TNS1: variants seen among roughly 807,000 people sequenced by gnomAD.
TNS1 encodes the protein tensin 1, also known as tensin-1.
In TNS1, 62 loss-of-function variants were observed where a neutral mutation model predicts 168.6. The ratio of observed to expected loss-of-function variants is 0.37; its 90% CI spans 0.30 to 0.45. The LOEUF (loss-of-function observed/expected upper bound fraction) is 0.45. TNS1 is among the 20% of genes least tolerant of loss of function. TNS1 has a pLI of 1.00. For missense variants in TNS1, 2,240 were observed against 2,339.4 expected (o/e 0.96, Z 0.88); for synonymous variants, 934 against 933.2 (o/e 1.00, Z -0.02).
At position 217,847,900 on chromosome 2, in the gene TNS1, G is replaced by A. The variant is rs1295465643; in HGVS notation, c.2617C>T (p.Pro873Ser). Residue 873 changes from proline (P) to serine (S), a missense_variant, in exon 19 of 33, where the codon CCC becomes TCC. Pro to Ser is a moderately conservative substitution (Grantham distance 74, BLOSUM62 -1). Transcript: ENST00000682258. ...GACTGACGGGAGGATCCAGAGAGGG[G>A]CTGGGAGGAGAGTGGAGAAGCCCCT... ...WPGASPLSSQ[P>S]LSGSSRQSHP... 1.3e-6 allele frequency: 2 copies of A among 1,543,334 alleles called. No homozygotes were observed. Among genetic ancestry groups the A allele is most frequent in the East Asian group, 2.3e-5 (1 of 43,858 alleles).
At chr2:217,946,889 G>A (rs144097915) in intron 3 of TNS1, among the ~76,000 whole-genome samples, 103 of 151,144 alleles carry the variant, frequency 6.8e-4, no homozygotes, top group East Asian at 5.1e-3. Flanking sequence ...GAGCTGTCCC[G>A]CAGCCCATCA....
chr2:217,980,520 G>C (rs1485826148), intron 2 of TNS1, among the ~76,000 whole-genome samples: 1 of 143,830 alleles, frequency 7.0e-6, no homozygotes, highest in Non-Finnish European at 1.5e-5. Flanking sequence ...GAGAGAGAGA[G>C]AGAGAGAGAG....
chr2:218,004,775 GA>G (rs1440589595), upstream of TNS1, among the ~76,000 whole-genome samples: 1 of 152,148 alleles, frequency 6.6e-6, no homozygotes, highest in Non-Finnish European at 1.5e-5. Context: ...CTGGGGCTGG[GA>G]AAGATCCTGC....
chr2:218,019,518 C>A (rs568820957), intron 1 of TNS1, among the ~76,000 whole-genome samples: 1 of 152,324 alleles, frequency 6.6e-6, no homozygotes, highest in African/African-American at 2.4e-5. Context: ...CAGGCTTGGG[C>A]ACCAAGGAGG....
At chr2:217,884,538 C>T (rs1310171111) in intron 16 of TNS1, among the ~76,000 whole-genome samples, 3 of 152,170 alleles carry the variant, frequency 2.0e-5, no homozygotes, top group Non-Finnish European at 4.4e-5. Flanking sequence ...CCACACCCCT[C>T]CACTACTGCT....
At chr2:217,871,115 C>T (rs1333578778) in intron 18 of TNS1, among the ~76,000 whole-genome samples, 4 of 152,184 alleles carry the variant, frequency 2.6e-5, no homozygotes, top group Non-Finnish European at 5.9e-5. Context: ...CATCACTGCC[C>T]AAGGGGGCCA....
At chr2:217,875,515 C>T (rs1407959071) in intron 18 of TNS1, among the ~76,000 whole-genome samples, 2 of 152,180 alleles carry the variant, frequency 1.3e-5, no homozygotes, top group Non-Finnish European at 2.9e-5. Context: ...AAAGAGTTAC[C>T]AGAGACACCC....
intron 24 of TNS1, among the ~76,000 whole-genome samples, chr2:217,817,020 C>CA (rs1941995161): frequency 6.6e-6 from 1 of 152,178 alleles, no homozygotes; most frequent in Non-Finnish European, 1.5e-5. Flanking sequence ...ATTCACTGCA[C>CA]AAACCTGCAT....
chr2:217,992,471 T>A (rs1220022985), intron 1 of TNS1: 1 of 152,166 alleles, frequency 6.6e-6, no homozygotes, highest in Non-Finnish European at 1.5e-5. Context: ...AGTGATGGTA[T>A]CCCACACACA....
rs776099853 is a variant in TNS1, at chr2:217,804,571, C to T, written c.5408G>A (p.Ser1803Asn). The T allele has an allele frequency of 1.2e-6, 2 of 1,614,150 alleles. No individual in the cohort carries two copies. The highest frequency in any genetic ancestry group is 1.7e-6 in the Non-Finnish European group (2 of 1,179,986). The change falls in exon 33 of 33, where the codon AGC becomes AAC. Residue 1803 changes from serine to asparagine, a missense_variant. Coordinates refer to ENST00000682258, the MANE Select transcript of TNS1 (RefSeq NM_001387777.1). The part of the protein sequence containing the change: ...LFGFVARKQG[S>N]TTDNACHLFA... ...GAGGTGGCAGGCGTTGTCCGTGGTGCTGCCCTGCTTCCGGGCCACGAAGCC... is the reference window on the plus strand; with the variant it reads ...GAGGTGGCAGGCGTTGTCCGTGGTGTTGCCCTGCTTCCGGGCCACGAAGCC...
At chr2:217,871,749 C>G (rs891451405) in intron 18 of TNS1, among the ~76,000 whole-genome samples, 1 of 152,270 alleles carries the variant, frequency 6.6e-6, no homozygotes, top group Admixed American at 6.5e-5. Context: ...CCCATCCGGC[C>G]TGGGCCCCAG....
upstream of TNS1, among the ~76,000 whole-genome samples, chr2:218,011,267 G>A (rs541564467): frequency 6.6e-6 from 1 of 152,328 alleles, no homozygotes; most frequent in East Asian, 1.9e-4. Flanking sequence ...GAAAAAGAGG[G>A]GAGGCGGAGG....
Position 217,992,122 on chromosome 2 carries a change from C to T in TNS1, c.34-1066G>A, listed in dbSNP as rs569913257. 6.6e-5 allele frequency among the ~76,000 whole-genome samples: 10 copies of T among 152,096 alleles called. No homozygotes were observed. The South Asian group carries it at 1.5e-3, about 22-fold the overall frequency. On this transcript the variant is annotated intron_variant, in intron 1 of 32. Transcript: ENST00000682258. ...ACTGCCCACCTTTTGGGCCCCACTG[C>T]GGGGCAGGGGGGCCTATTCAGAGGA... is the stretch of plus-strand genomic sequence containing the variant.
At chr2:217,844,175 T>A (rs1425860028) in intron 19 of TNS1, among the ~76,000 whole-genome samples, 1 of 152,146 alleles carries the variant, frequency 6.6e-6, no homozygotes, top group Non-Finnish European at 1.5e-5. Flanking sequence ...CCCCACAGTA[T>A]CCACTGCATC....
chr2:217,954,868 G>T (rs1957323674), intron 3 of TNS1, among the ~76,000 whole-genome samples: 1 of 152,192 alleles, frequency 6.6e-6, no homozygotes, highest in South Asian at 2.1e-4. Flanking sequence ...AGGACCCAAA[G>T]ATCCACATTG....
At chr2:217,964,973 A>G (rs1056027768) in intron 3 of TNS1, among the ~76,000 whole-genome samples, 1 of 152,182 alleles carries the variant, frequency 6.6e-6, no homozygotes, top group Non-Finnish European at 1.5e-5. Context: ...ACCCCCAGAG[A>G]GAGGGAGCAG....
chr2:217,902,871 T>G (rs1302021962), intron 6 of TNS1, among the ~76,000 whole-genome samples: 2 of 152,038 alleles, frequency 1.3e-5, no homozygotes, highest in East Asian at 3.9e-4. Flanking sequence ...TTCTGCAAAG[T>G]TTGGGGGCAC....
chr2:217,937,259 G>C (rs1397460501), intron 3 of TNS1: 1 of 348,618 alleles, frequency 2.9e-6, no homozygotes, highest in African/African-American at 2.1e-5. Flanking sequence ...AACTGGCATA[G>C]GGTGGATGCC....
chr2:218,006,122 G>C (rs4465751), upstream of TNS1, among the ~76,000 whole-genome samples: 89 of 152,270 alleles, frequency 5.8e-4, no homozygotes, highest in African/African-American at 2.1e-3. Flanking sequence ...ACCTCCCTCC[G>C]CTCATCCCTC....
Sources: allele counts gnomAD v4.1 joint callset (sites outside exome capture counted in the v4.1 genomes callset), GRCh38; gene constraint gnomAD v4.1.1; transcripts MANE v1.5; gene names NCBI Gene and HGNC (gene_info 2026-07-23, HGNC 2026-07-21).